The following OSBP2 variants were observed in gnomAD, a reference collection of about 807,000 sequenced individuals.
OSBP2 encodes oxysterol binding protein 2, also known as oxysterol-binding protein 2.
OSBP2 carries 66 observed loss-of-function variants against 96.0 expected under a neutral mutation model. That is an observed-to-expected ratio of 0.69 (90% CI 0.56 to 0.84). The LOEUF is 0.84. OSBP2 is among the 40% of genes least tolerant of loss of function. The probability of loss-of-function intolerance (pLI) is 0.00; values close to 1 mark genes in which losing one functional copy is unlikely to be tolerated. For missense variants in OSBP2, 1,038 were observed against 1,222.7 expected, an observed-to-expected ratio of 0.85 and a Z score of 2.25; for synonymous variants, 525 against 520.9, an observed-to-expected ratio of 1.01 and a Z score of -0.11.
chr22:30,757,788 A>G (rs1176816208), intron 2 of OSBP2, among the ~76,000 whole-genome samples: 2 of 151,694 alleles, frequency 1.3e-5, no homozygotes, highest in African/African-American at 2.4e-5. Flanking sequence ...ATGACCCACC[A>G]CTCACTACTT....
At position 30,893,445 on chromosome 22, in the gene OSBP2, C is replaced by A. The variant is rs772472617; in HGVS notation, c.1991-18C>A. 1.2e-6 allele frequency: 2 copies of A among 1,606,704 alleles called. No homozygotes were observed. Among genetic ancestry groups the A allele is most frequent in the Non-Finnish European group, 1.7e-6 (2 of 1,173,270 alleles). ...CTGCATGGGGGGGCATGACCTCTGA[C>A]CTGTCCCCTGCCTCCAGGTGCCATC... On this transcript the variant is annotated intron_variant, in intron 9 of 13. Coordinates refer to ENST00000332585, the MANE Select transcript of OSBP2 (RefSeq NM_030758.4).
rs139162823 is a variant in OSBP2 at position 30,901,218 on chromosome 22, G to A, written c.2376-4619G>A. On this transcript the variant is annotated intron_variant, in intron 12 of 13. Coordinates refer to ENST00000332585, the MANE Select transcript of OSBP2 (RefSeq NM_030758.4). ...TGAGGAGCTGGGATTACAGGTGTGCGCCACCACGCCCGACTAATTTTTGTA... is the reference window on the plus strand; with the variant it reads ...TGAGGAGCTGGGATTACAGGTGTGCACCACCACGCCCGACTAATTTTTGTA... Among the ~76,000 whole-genome samples the A allele has an allele frequency of 1.9e-3, 284 of 152,118 alleles. 2 individuals are homozygous for A. Among genetic ancestry groups the A allele is most frequent in the South Asian group, 4.2e-4 (2 of 4,814 alleles).
chr22:30,879,532 C>G (rs2039656677), intron 3 of OSBP2, among the ~76,000 whole-genome samples: 1 of 152,056 alleles, frequency 6.6e-6, no homozygotes, highest in Admixed American at 6.5e-5. Flanking sequence ...GCCAAGCGCT[C>G]CTGTGAGGAG....
Position 30,893,546 on chromosome 22 carries a change from G to C in OSBP2, c.2074G>C (p.Gly692Arg). 6.2e-7 allele frequency: 1 copy of C among 1,614,144 alleles called. No individual in the cohort carries two copies. The change falls in exon 10 of 14, where the codon GGC (glycine) becomes CGC (arginine). Residue 692 changes from glycine to arginine, a missense_variant. Around this residue, in one of 3 missense-constraint regions of OSBP2, gnomAD observed 737 missense variants for 913.3 expected, o/e 0.81. Coordinates refer to ENST00000332585, the MANE Select transcript of OSBP2 (RefSeq NM_030758.4). Reference sequence around the variant, plus strand: ...CTCAACTGTTCACAACATCATCGTGGGCAAGCTCTGGATCGACCAGGTCAG... The same window carrying C: ...CTCAACTGTTCACAACATCATCGTGCGCAAGCTCTGGATCGACCAGGTCAG... ...STSTVHNIIVGKLWIDQSGDI... is the reference protein window; with the variant it reads ...STSTVHNIIVRKLWIDQSGDI...
chr22:30,785,632 A>G (rs935080739), intron 2 of OSBP2, among the ~76,000 whole-genome samples: 2 of 151,542 alleles, frequency 1.3e-5, no homozygotes, highest in East Asian at 1.9e-4. Flanking sequence ...GCTAAATTTT[A>G]TAGAGGTTAG....
rs1379531187 is a variant in OSBP2, at chr22:30,792,517, G to A, written c.853+51148G>A. Among the ~76,000 whole-genome samples, 9 of 152,192 alleles carry A rather than the reference G, an allele frequency of 5.9e-5. No individual in the cohort carries two copies. In the South Asian group the frequency reaches 1.9e-3, roughly 32 times the overall value. ...TTGCATTTATACTTTTTAATGAATA[G>A]TCTCTTTAGGGTTTAATTAGTCATT... On this transcript the variant is annotated intron_variant, in intron 2 of 13. Coordinates refer to ENST00000332585, the MANE Select transcript of OSBP2 (RefSeq NM_030758.4).
At chr22:30,867,081 G>A (rs539252401) in intron 2 of OSBP2, among the ~76,000 whole-genome samples, 13 of 152,294 alleles carry the variant, frequency 8.5e-5, no homozygotes, top group African/African-American at 2.6e-4. Flanking sequence ...ATGGGAGCCT[G>A]CCTATGACGG....
At chr22:30,827,065 G>C (rs924717608) in intron 2 of OSBP2, among the ~76,000 whole-genome samples, 1 of 152,180 alleles carries the variant, frequency 6.6e-6, no homozygotes, top group Non-Finnish European at 1.5e-5. Context: ...GTGACACCCA[G>C]CTGTGTATTG....
rs546498737 is a variant in OSBP2 at position 30,780,847 on chromosome 22, G to T, written c.853+39478G>T. On this transcript the variant is annotated intron_variant, in intron 2 of 13. Transcript: ENST00000332585. ...CTCCTTTGGCATTTGTGGATCTAAG[G>T]TCTGGTGTTTCAAACGACTCAAATG... Among the ~76,000 whole-genome samples the T allele has an allele frequency of 3.9e-5, 6 of 152,324 alleles. No homozygotes were observed. The East Asian group carries it at 9.6e-4, about 24-fold the overall frequency.
intron 2 of OSBP2, among the ~76,000 whole-genome samples, chr22:30,802,499 A>AAGGGCCGGCCCTCTCCAGCCTC (rs1235043129): frequency 1.3e-5 from 2 of 152,200 alleles, no homozygotes; most frequent in Non-Finnish European, 2.9e-5. Flanking sequence ...GGTCCAGGCA[A>AAGGGCCGGCCCTCTCCAGCCTC]AGGGCCGGCC....
chr22:30,717,072 G>C (rs115346518), intron 1 of OSBP2, among the ~76,000 whole-genome samples: 3,501 of 124,474 alleles, frequency 0.028, 136 homozygotes, highest in East Asian at 0.16. Flanking sequence ...AATCTATTTT[G>C]TTTTAATTTT....
At chr22:30,752,581 C>T (rs998270834) in intron 2 of OSBP2, among the ~76,000 whole-genome samples, 4 of 151,920 alleles carry the variant, frequency 2.6e-5, no homozygotes, top group South Asian at 2.1e-4. Context: ...TGAGCCACCG[C>T]GCCGGGCCCA....
Position 30,753,194 on chromosome 22 carries a change from A to T in OSBP2, c.853+11825A>T, listed in dbSNP as rs574488941. Among the ~76,000 whole-genome samples, 10 of 152,284 alleles carry T rather than the reference A, an allele frequency of 6.6e-5. No individual in the cohort carries two copies. The South Asian group carries it at 2.1e-3, about 32-fold the overall frequency. On this transcript the variant is annotated intron_variant, in intron 2 of 13. Coordinates refer to ENST00000332585, the MANE Select transcript of OSBP2 (RefSeq NM_030758.4). Reference sequence around the variant, plus strand: ...CTCTGTGGTTGGAAGGGAGATTTGCATATGGATTAGCACAGTGTAAGGTAG... The same window carrying T: ...CTCTGTGGTTGGAAGGGAGATTTGCTTATGGATTAGCACAGTGTAAGGTAG...
intron 2 of OSBP2, among the ~76,000 whole-genome samples, chr22:30,810,947 C>A (rs1187825986): frequency 6.6e-6 from 1 of 152,214 alleles, no homozygotes; most frequent in Admixed American, 6.5e-5. Flanking sequence ...CTGGCACACT[C>A]TCTCCAATTG....
upstream of OSBP2, chr22:30,694,306 C>T (rs1370923962): frequency 1.3e-6 from 2 of 1,548,994 alleles, no homozygotes; most frequent in East Asian, 4.9e-5. Context: ...CCACTTGGGG[C>T]CACCGCTTCT....
Position 30,906,499 on chromosome 22 carries a change from C to A in OSBP2, c.*160C>A. On this transcript the variant is annotated 3_prime_UTR_variant, in exon 14 of 14. Transcript: ENST00000332585. ...TCTCCCCACACTTTCTTGGGACTCC[C>A]ACCTTGGAAGGAGGAAGGGCTGACC... 1.1e-6 allele frequency: 1 copy of A among 890,196 alleles called. No homozygotes were observed. Among genetic ancestry groups the A allele is most frequent in the Non-Finnish European group, 1.6e-6 (1 of 629,668 alleles). 55.1% of individuals were successfully genotyped at this position (890,196 alleles called of 1,614,324 possible). A position where few individuals can be genotyped will look rare whatever the true frequency, so the allele number is the denominator to read the frequency against.
intron 1 of OSBP2, among the ~76,000 whole-genome samples, chr22:30,700,376 T>A (rs1602139735): frequency 6.6e-6 from 1 of 152,154 alleles, no homozygotes; most frequent in East Asian, 1.9e-4. Context: ...GCTTTTTTTT[T>A]AATTGCGGGA....
In OSBP2 at chr22:30,695,131, G is replaced by A. The variant is rs945730694; in HGVS notation, c.222G>A (p.Ser74=). The A allele has an allele frequency of 7.5e-6, 12 of 1,600,166 alleles. No homozygotes were observed. Among genetic ancestry groups the A allele is most frequent in the East Asian group, 2.2e-5 (1 of 44,686 alleles). The change falls in exon 1 of 14, where the codon TCG becomes TCA. Residue 74 remains serine (S), a synonymous_variant. Coordinates refer to ENST00000332585, the MANE Select transcript of OSBP2 (RefSeq NM_030758.4). ...PLSEQVSEAV[S]EAVPRSEPVS... The stretch of plus-strand genomic sequence containing the variant: ...CAGAACAGGTGTCGGAGGCAGTTTC[G>A]GAGGCAGTGCCAAGATCGGAACCTG...
In OSBP2 at chr22:30,906,386, C is replaced by G; in HGVS notation, c.*47C>G. The G allele has an allele frequency of 6.5e-7, 1 of 1,542,590 alleles. No homozygotes were observed. The highest frequency in any genetic ancestry group is 8.7e-7 in the Non-Finnish European group (1 of 1,144,852). ...CAGGCGCCTGCACAGCCTGGCCCACCTGTTCATTAATGCACTCAATTTAGT... is the reference window on the plus strand; with the variant it reads ...CAGGCGCCTGCACAGCCTGGCCCACGTGTTCATTAATGCACTCAATTTAGT... On this transcript the variant is annotated 3_prime_UTR_variant, in exon 14 of 14. Transcript: ENST00000332585.
Sources: allele counts gnomAD v4.1 joint callset (sites outside exome capture counted in the v4.1 genomes callset), GRCh38; gene constraint gnomAD v4.1.1; regional missense constraint gnomAD v4.1.1; transcripts MANE v1.5; gene names NCBI Gene and HGNC (gene_info 2026-07-23, HGNC 2026-07-21).